CDX1: variants seen among roughly 807,000 people sequenced by gnomAD.
CDX1 encodes caudal type homeobox 1.
CDX1 carries 9 observed loss-of-function variants against 16.9 expected under a neutral mutation model. That is an observed-to-expected ratio of 0.53 (90% CI 0.32 to 0.93). CDX1 has a LOEUF of 0.93. CDX1 is among the 40% of genes least tolerant of loss of function. CDX1 has a pLI of 0.04. For synonymous variants in CDX1, 179 were observed against 179.0 expected (o/e 1.00, Z 0.00); for missense variants, 393 against 386.1 (o/e 1.02, Z -0.15).
In CDX1 at chr5:150,183,715, G is replaced by C. The variant is rs770083616; in HGVS notation, c.*35G>C. ...CAGCCTGTGCGCCGGGGGACCTGGG[G>C]ACTCGGGTGCTGGGAGTGTGGCTCC... On this transcript the variant is annotated 3_prime_UTR_variant, in exon 3 of 3. Transcript: ENST00000231656. 2.0e-5 allele frequency: 30 copies of C among 1,473,620 alleles called. No individual in the cohort carries two copies. In the African/African-American group the frequency reaches 3.1e-4, roughly 15 times the overall value. The allele number at this position is 1,473,620 out of a possible 1,614,324, so 91.3% of individuals were successfully genotyped here.
In CDX1 at chr5:150,167,007, A is replaced by C; in HGVS notation, c.131A>C (p.Asp44Ala). ...CCCCCGGCGCCCCCGCAGTACCCCGACTTCTCCAGCTACTCTCACGTGGAG... is the reference window on the plus strand; with the variant it reads ...CCCCCGGCGCCCCCGCAGTACCCCGCCTTCTCCAGCTACTCTCACGTGGAG... ...APPPAPPQYP[D>A]FSSYSHVEPA... Residue 44 changes from aspartate (D) to alanine (A), a missense_variant, in exon 1 of 3, where the codon GAC (aspartate) becomes GCC (alanine). Physicochemically the swap from Asp to Ala is moderately radical, Grantham distance 126. Coordinates refer to ENST00000231656, the MANE Select transcript of CDX1 (RefSeq NM_001804.3). 1 of 1,421,924 alleles carries C rather than the reference A, an allele frequency of 7.0e-7. No individual in the cohort carries two copies. The allele number at this position is 1,421,924 out of a possible 1,614,324, so 88.1% of individuals were successfully genotyped here.
chr5:150,170,188 C>A (rs1309963726), intron 1 of CDX1, among the ~76,000 whole-genome samples: 1 of 152,204 alleles, frequency 6.6e-6, no homozygotes, highest in Non-Finnish European at 1.5e-5. Context: ...TCCCCTGATT[C>A]TTTGCAAGAG....
At chr5:150,167,385 C>T in intron 1 of CDX1, 64 bp downstream of exon 1, 1 of 1,142,858 alleles carries the variant, frequency 8.7e-7, no homozygotes. Context: ...GCCCAGGCCG[C>T]CCCCTGTCTG....
chr5:150,171,338 C>A (rs530557064), intron 1 of CDX1, among the ~76,000 whole-genome samples: 2 of 152,298 alleles, frequency 1.3e-5, no homozygotes, highest in South Asian at 4.1e-4. Flanking sequence ...TATGCCATTT[C>A]TTTTTTCTTT....
intron 1 of CDX1, among the ~76,000 whole-genome samples, chr5:150,176,084 C>T (rs754616384): frequency 2.0e-5 from 3 of 152,186 alleles, no homozygotes; most frequent in Non-Finnish European, 2.9e-5. Flanking sequence ...TCTAGAAGCT[C>T]GCCCCAAACA....
intron 1 of CDX1, among the ~76,000 whole-genome samples, chr5:150,178,354 C>A (rs1165386821): frequency 6.6e-6 from 1 of 152,228 alleles, no homozygotes; most frequent in African/African-American, 2.4e-5. Flanking sequence ...CCCATTCTCC[C>A]TCCCACCCAT....
chr5:150,172,098 C>T (rs1240748607), intron 1 of CDX1, among the ~76,000 whole-genome samples: 1 of 152,222 alleles, frequency 6.6e-6, no homozygotes, highest in Admixed American at 6.5e-5. Flanking sequence ...TCAAATGCTG[C>T]TCCTTCTCCG....
intron 1 of CDX1, among the ~76,000 whole-genome samples, chr5:150,173,060 C>A (rs1761527290): frequency 6.6e-6 from 1 of 152,176 alleles, no homozygotes; most frequent in Non-Finnish European, 1.5e-5. Flanking sequence ...TGTGGGGGCA[C>A]CCCACATGGA....
At chr5:150,179,212 T>TTGTTCTTTG (rs1352530409) in intron 1 of CDX1, among the ~76,000 whole-genome samples, 1 of 152,178 alleles carries the variant, frequency 6.6e-6, no homozygotes, top group African/African-American at 2.4e-5. Flanking sequence ...AGCAAACATT[T>TTGTTCTTTG]TGTTCTTTGG....
intron 1 of CDX1, among the ~76,000 whole-genome samples, chr5:150,179,369 T>C (rs1204907829): frequency 1.3e-5 from 2 of 152,188 alleles, no homozygotes; most frequent in East Asian, 3.9e-4. Flanking sequence ...ACTGGCAGCC[T>C]TGCCAGGAGA....
At chr5:150,167,435 C>T (rs2113946597) in intron 1 of CDX1, 114 bp downstream of exon 1, 1 of 651,040 alleles carries the variant, frequency 1.5e-6, no homozygotes, top group East Asian at 3.5e-5. Context: ...GGGAGTGTGG[C>T]CCTCCTGTCC....
chr5:150,166,907 T>C lies in CDX1; in HGVS notation c.31T>C (p.Ser11Pro). 6.6e-7 allele frequency: 1 copy of C among 1,518,438 alleles called. No individual in the cohort carries two copies. 94.1% of individuals were successfully genotyped at this position (1,518,438 alleles called of 1,614,324 possible). Residue 11 changes from serine to proline, a missense_variant, in exon 1 of 3, where the codon TCG (serine) becomes CCG (proline). Physicochemically the swap from Ser to Pro is moderately conservative, Grantham distance 74. Transcript: ENST00000231656. MYVGYVLDKD[S>P]PVYPGPARPA... ...TGTGGGCTATGTGCTGGACAAGGAT[T>C]CGCCCGTGTACCCCGGCCCAGCCAG... is the stretch of plus-strand genomic sequence containing the variant.
chr5:150,175,520 C>G (rs775747132), intron 1 of CDX1, among the ~76,000 whole-genome samples: 13 of 152,018 alleles, frequency 8.6e-5, no homozygotes, highest in Non-Finnish European at 1.2e-4. Flanking sequence ...AATGGCTGGC[C>G]TGGCCATTGT....
intron 1 of CDX1, among the ~76,000 whole-genome samples, chr5:150,170,637 T>C (rs1315011379): frequency 2.0e-5 from 3 of 152,100 alleles, no homozygotes; most frequent in Admixed American, 6.5e-5. Flanking sequence ...TGCCTCTGTC[T>C]CTCCACTTGG....
Position 150,183,536 on chromosome 5 carries a change from G to A in CDX1, c.654G>A (p.Gln218=). 6.2e-7 allele frequency: 1 copy of A among 1,612,326 alleles called. No individual in the cohort carries two copies. The highest frequency in any genetic ancestry group is 8.5e-7 in the Non-Finnish European group (1 of 1,178,852). The change falls in exon 3 of 3, where the codon CAG becomes CAA. Residue 218 remains glutamine, a synonymous_variant. Coordinates refer to ENST00000231656, the MANE Select transcript of CDX1 (RefSeq NM_001804.3). Reference sequence around the variant, plus strand: ...GCAAAGTGAACAAGAAGAAACAGCAGCAGCAACAGCCCCCACAGCCGCCGA... The same window carrying A: ...GCAAAGTGAACAAGAAGAAACAGCAACAGCAACAGCCCCCACAGCCGCCGA... ...KERKVNKKKQ[Q]QQQPPQPPMA...
chr5:150,183,802 C>G lies in CDX1; in HGVS notation c.*122C>G. On this transcript the variant is annotated 3_prime_UTR_variant, in exon 3 of 3. Coordinates refer to ENST00000231656, the MANE Select transcript of CDX1 (RefSeq NM_001804.3). Reference sequence around the variant, plus strand: ...GACCTTCTGGGACATGGTGGACAGTCACCTATCCACCCTCTGCATCCCCTT... The same window carrying G: ...GACCTTCTGGGACATGGTGGACAGTGACCTATCCACCCTCTGCATCCCCTT... The G allele has an allele frequency of 2.8e-6, 2 of 718,182 alleles. No individual in the cohort carries two copies. The highest frequency in any genetic ancestry group is 4.4e-6 in the Non-Finnish European group (2 of 450,926). 44.5% of individuals were successfully genotyped at this position (718,182 alleles called of 1,614,324 possible). A position where few individuals can be genotyped will look rare whatever the true frequency, so the allele number is the denominator to read the frequency against.
rs532064762 is a variant in CDX1, at chr5:150,179,193, C to T, written c.446-3575C>T. 1.3e-3 allele frequency among the ~76,000 whole-genome samples: 205 copies of T among 152,336 alleles called. 1 individual carries two copies. Among genetic ancestry groups the T allele is most frequent in the Admixed American group, 5.0e-3 (76 of 15,304 alleles). ...GGGATTCCCTGGTTTCTGAGCCACA[C>T]GGTGTGATAGCAAACATTTTGTTCT... On this transcript the variant is annotated intron_variant, in intron 1 of 2. Coordinates refer to ENST00000231656, the MANE Select transcript of CDX1 (RefSeq NM_001804.3).
chr5:150,180,774 C>T (rs1375320155), intron 1 of CDX1, among the ~76,000 whole-genome samples: 1 of 152,128 alleles, frequency 6.6e-6, no homozygotes, highest in Non-Finnish European at 1.5e-5. Context: ...AGCCAGGCCC[C>T]ACACAAGCCC....
intron 1 of CDX1, among the ~76,000 whole-genome samples, chr5:150,177,181 G>A (rs1319647085): frequency 6.6e-6 from 1 of 152,268 alleles, no homozygotes; most frequent in African/African-American, 2.4e-5. Context: ...CTCCCCCCGG[G>A]CAGGCCCAGT....
Sources: gnomAD v4.1 joint callset for allele counts (sites outside exome capture counted in the v4.1 genomes callset) on GRCh38, gnomAD v4.1.1 for gene constraint, MANE v1.5 for transcripts, NCBI Gene and HGNC (gene_info 2026-07-23, HGNC 2026-07-21) for gene names.